CALN1: variants seen among roughly 807,000 people sequenced by gnomAD.
The protein encoded by CALN1 is calcium-binding protein 8.
A neutral mutation model predicts 30.6 loss-of-function variants in CALN1; 17 were observed. That is an observed-to-expected ratio of 0.56 (90% confidence interval 0.38 to 0.83). CALN1 has a LOEUF of 0.83. CALN1 is among the 40% of genes least tolerant of loss of function. The probability of loss-of-function intolerance (pLI) is 0.00; values close to 1 mark genes in which losing one functional copy is unlikely to be tolerated. For missense variants in CALN1, 291 were observed against 354.9 expected (o/e 0.82, Z 1.45); for synonymous variants, 156 against 131.4 (o/e 1.19, Z -1.28).
At chr7:72,090,104 C>T (rs1396436178) in intron 4 of CALN1, among the ~76,000 whole-genome samples, 6 of 152,160 alleles carry the variant, frequency 3.9e-5, no homozygotes, top group Non-Finnish European at 8.8e-5. Flanking sequence ...TCGAGACTAG[C>T]CCGGCCAACA....
intron 5 of CALN1, among the ~76,000 whole-genome samples, chr7:71,981,213 A>T (rs911555519): frequency 6.6e-5 from 10 of 152,172 alleles, no homozygotes; most frequent in African/African-American, 2.4e-4. Flanking sequence ...AACAAGTCTC[A>T]GGAGACAGAA....
intron 3 of CALN1, among the ~76,000 whole-genome samples, chr7:72,110,176 G>C (rs1423493368): frequency 6.6e-6 from 1 of 152,104 alleles, no homozygotes; most frequent in Non-Finnish European, 1.5e-5. Context: ...CTTCCTGTAT[G>C]CCCTAGACCT....
chr7:72,267,236 G>A (rs539389489), intron 3 of CALN1, among the ~76,000 whole-genome samples: 9 of 152,308 alleles, frequency 5.9e-5, no homozygotes, highest in Non-Finnish European at 1.2e-4. Context: ...GGATAAAACA[G>A]TAGGGGACGG....
chr7:72,081,714 A>G (rs1805159610), intron 4 of CALN1, among the ~76,000 whole-genome samples: 1 of 151,888 alleles, frequency 6.6e-6, no homozygotes, highest in Admixed American at 6.6e-5. Flanking sequence ...GAGCCCTGCT[A>G]AGAAACCTAC....
intron 2 of CALN1, among the ~76,000 whole-genome samples, chr7:72,376,210 A>G (rs1226305139): frequency 1.3e-5 from 2 of 152,156 alleles, no homozygotes; most frequent in Admixed American, 6.5e-5. Flanking sequence ...GCATTTATAT[A>G]CAAGTATTTG....
chr7:72,015,991 G>C (rs532948125), intron 5 of CALN1, among the ~76,000 whole-genome samples: 80 of 152,258 alleles, frequency 5.3e-4, no homozygotes, highest in African/African-American at 1.9e-3. Flanking sequence ...GCTCACACCT[G>C]TAATCCCAGA....
chr7:72,456,291 G>C, the CALN1 span, among the ~76,000 whole-genome samples: 5 of 152,110 alleles, frequency 3.3e-5, no homozygotes, highest in African/African-American at 1.2e-4. Flanking sequence ...GGGGAGTCGA[G>C]GTGGGAGGAT....
At chr7:72,154,177 T>G (rs1333018821) in intron 3 of CALN1, among the ~76,000 whole-genome samples, 1 of 150,928 alleles carries the variant, frequency 6.6e-6, no homozygotes, top group Non-Finnish European at 1.5e-5. Flanking sequence ...GATAAAATAA[T>G]GACCTAGGGC....
At chr7:72,397,463 C>G (rs1006856389) in intron 2 of CALN1, among the ~76,000 whole-genome samples, 1 of 152,036 alleles carries the variant, frequency 6.6e-6, no homozygotes, top group Admixed American at 6.5e-5. Flanking sequence ...ATTCATCTCC[C>G]CAGTATGATC....
intron 2 of CALN1, among the ~76,000 whole-genome samples, chr7:72,321,384 C>G (rs1800868964): frequency 6.6e-6 from 1 of 152,178 alleles, no homozygotes; most frequent in South Asian, 2.1e-4. Flanking sequence ...TGATAAATGC[C>G]AAGAGCATCA....
At chr7:72,230,201 C>A (rs895366771) in intron 3 of CALN1, among the ~76,000 whole-genome samples, 1 of 151,944 alleles carries the variant, frequency 6.6e-6, no homozygotes, top group African/African-American at 2.4e-5. Context: ...GTGCAGCAAA[C>A]CACCATGGCA....
At chr7:72,205,330 A>G (rs1791748287) in intron 3 of CALN1, among the ~76,000 whole-genome samples, 1 of 151,142 alleles carries the variant, frequency 6.6e-6, no homozygotes, top group Non-Finnish European at 1.5e-5. Context: ...CCTCCCTAGT[A>G]GCTGGGATTA....
chr7:72,256,249 A>G (rs1795904781), intron 3 of CALN1, among the ~76,000 whole-genome samples: 1 of 152,172 alleles, frequency 6.6e-6, no homozygotes, highest in Admixed American at 6.5e-5. Flanking sequence ...GCTGGAGGTC[A>G]GAAGTCTGAG....
At chr7:72,458,886 G>C in the CALN1 span, among the ~76,000 whole-genome samples, 57 of 138,954 alleles carry the variant, frequency 4.1e-4, no homozygotes, top group Non-Finnish European at 1.2e-4. Flanking sequence ...ATATTTGTTT[G>C]TTTTGGTTTT....
intron 3 of CALN1, among the ~76,000 whole-genome samples, chr7:72,264,206 T>G (rs1796464215): frequency 6.6e-6 from 1 of 152,170 alleles, no homozygotes; most frequent in Non-Finnish European, 1.5e-5. Flanking sequence ...CTCTAACCTT[T>G]ACAAGGAAAA....
At chr7:72,491,136 C>T in the CALN1 span, among the ~76,000 whole-genome samples, 72 of 150,904 alleles carry the variant, frequency 4.8e-4, no homozygotes, top group Middle Eastern at 6.8e-3. Flanking sequence ...CCCAGCTACT[C>T]GGGAGGCTGA....
intron 5 of CALN1, among the ~76,000 whole-genome samples, chr7:71,888,818 G>T (rs1165506828): frequency 6.6e-6 from 1 of 152,130 alleles, no homozygotes; most frequent in Non-Finnish European, 1.5e-5. Flanking sequence ...GGAGGGCAGG[G>T]GACCCAGAGC....
At chr7:72,210,728 T>C (rs528883654) in intron 3 of CALN1, among the ~76,000 whole-genome samples, 2 of 152,210 alleles carry the variant, frequency 1.3e-5, no homozygotes, top group African/African-American at 4.8e-5. Flanking sequence ...TACCTCCACC[T>C]GGTCTCTCCC....
At chr7:72,075,000 T>C (rs767921731) in intron 4 of CALN1, among the ~76,000 whole-genome samples, 24 of 152,332 alleles carry the variant, frequency 1.6e-4, no homozygotes, top group African/African-American at 4.8e-4. Context: ...TCTAGCCACA[T>C]TGGAGACCCA....
Sources: gnomAD v4.1 joint callset for allele counts (sites outside exome capture counted in the v4.1 genomes callset) on GRCh38, gnomAD v4.1.1 for gene constraint, MANE v1.5 for transcripts, NCBI Gene and HGNC (gene_info 2026-07-23, HGNC 2026-07-21) for gene names.